The following MYOF variants were observed in gnomAD, a reference collection of about 807,000 sequenced individuals.
MYOF encodes fer-1-like 3, myoferlin.
A neutral mutation model predicts 284.2 loss-of-function variants in MYOF; 244 were observed. The ratio of observed to expected loss-of-function variants is 0.86; its 90% CI spans 0.77 to 0.95. The LOEUF (loss-of-function observed/expected upper bound fraction) is 0.95. MYOF is among the 40% of genes least tolerant of loss of function. MYOF has a pLI of 0.00. For synonymous variants in MYOF, 904 were observed against 919.7 expected (o/e 0.98, Z 0.31); for missense variants, 2,496 against 2,560.6 (o/e 0.97, Z 0.54).
Position 93,482,112 on chromosome 10 carries a change from A to G in MYOF, c.83T>C (p.Phe28Ser). Residue 28 changes from phenylalanine to serine, a missense_variant, in exon 1 of 54, where the codon TTT becomes TCT. Physicochemically the swap from Phe to Ser is radical, Grantham distance 155. This residue lies in a region of MYOF where 57 missense variants were observed against 62.4 expected (regional missense o/e 0.91). Coordinates refer to ENST00000359263, the MANE Select transcript of MYOF (RefSeq NM_013451.4). The stretch of plus-strand genomic sequence containing the variant: ...AGAAGAAAACTTTTTCTTACCCTTA[A>G]AAATGACAGAAACAATAGGATCCGG... ...GKPDPIVSVI[F>S]KDEKKKTKKV... The G allele has an allele frequency of 1.2e-6, 2 of 1,613,626 alleles. No individual in the cohort carries two copies. The highest frequency in any genetic ancestry group is 1.7e-6 in the Non-Finnish European group (2 of 1,179,648).
At chr10:93,393,674 G>A (rs1472396411) in intron 16 of MYOF, among the ~76,000 whole-genome samples, 2 of 152,148 alleles carry the variant, frequency 1.3e-5, no homozygotes, top group African/African-American at 4.8e-5. Flanking sequence ...TATAGTTCCA[G>A]CATGATTTTT....
intron 19 of MYOF, among the ~76,000 whole-genome samples, chr10:93,387,229 G>A (rs1162560870): frequency 6.6e-6 from 1 of 152,236 alleles, no homozygotes; most frequent in African/African-American, 2.4e-5. Flanking sequence ...GCAGCTGGGG[G>A]GCTGGCGGTG....
chr10:93,335,872 T>C, intron 41 of MYOF, 49 bp downstream of exon 41: 2 of 1,599,890 alleles, frequency 1.3e-6, no homozygotes, highest in Non-Finnish European at 1.7e-6. Context: ...TAGGCCTATA[T>C]AGAAAATGAA....
chr10:93,379,974 A>G lies in MYOF; in HGVS notation c.1890T>C (p.Tyr630=), dbSNP rs1417286825. The G allele has an allele frequency of 1.2e-6, 2 of 1,613,870 alleles. No homozygotes were observed. The highest frequency in any genetic ancestry group is 1.1e-5 in the South Asian group (1 of 91,026). Residue 630 remains tyrosine, a synonymous_variant, in exon 21 of 54, where the codon TAT becomes TAC. Coordinates refer to ENST00000359263, the MANE Select transcript of MYOF (RefSeq NM_013451.4). ...GCTTGGTGTGGGCCCAAGGCAAGTA[A>G]TAATAGTAGTTGCCTGGTATAAAAC... ...SRAVFDGNYY[Y]YLPWAHTKPV...
At position 93,359,908 on chromosome 10, in the gene MYOF, G is replaced by A. The variant is rs763011572; in HGVS notation, c.3045C>T (p.Tyr1015=). 3.1e-6 allele frequency: 5 copies of A among 1,614,120 alleles called. No homozygotes were observed. The East Asian group carries it at 8.9e-5, about 29-fold the overall frequency. Residue 1015 remains tyrosine (Y), a synonymous_variant, in exon 29 of 54, where the codon TAC becomes TAT. Coordinates refer to ENST00000359263, the MANE Select transcript of MYOF (RefSeq NM_013451.4). The stretch of plus-strand genomic sequence containing the variant: ...CCAGCCTTCGCCGTCTATGAGTGTG[G>A]TACATTTTCTCTGCTGCAACCCAGG... The part of the protein sequence containing the change: ...PKSWVAAEKM[Y]HTHRRRRLVR...
intron 5 of MYOF, among the ~76,000 whole-genome samples, chr10:93,421,932 T>C (rs1848372813): frequency 6.6e-6 from 1 of 151,768 alleles, no homozygotes; most frequent in Non-Finnish European, 1.5e-5. Context: ...CTATTAGAGG[T>C]TTGTTTTTTT....
At chr10:93,470,864 T>C (rs1312174279) in intron 1 of MYOF, among the ~76,000 whole-genome samples, 2 of 152,116 alleles carry the variant, frequency 1.3e-5, no homozygotes, top group Admixed American at 6.5e-5. Context: ...GCTTGTTGAA[T>C]GGATTCATGC....
intron 1 of MYOF, among the ~76,000 whole-genome samples, chr10:93,460,995 T>C (rs955957880): frequency 4.0e-5 from 6 of 151,888 alleles, no homozygotes; most frequent in Non-Finnish European, 7.4e-5. Flanking sequence ...CTCGGGTGGC[T>C]GAGGCAGGAG....
chr10:93,481,637 G>A (rs1832888), intron 1 of MYOF, among the ~76,000 whole-genome samples: 118,052 of 152,070 alleles, frequency 0.78, 46,284 homozygotes, highest in South Asian at 0.85. Flanking sequence ...ATAAAACTAT[G>A]AACTTCACCC....
intron 42 of MYOF, among the ~76,000 whole-genome samples, 173 bp from the exon 43 acceptor site, chr10:93,333,485 C>T (rs1198128265): frequency 6.7e-6 from 1 of 149,942 alleles, no homozygotes; most frequent in African/African-American, 2.5e-5. Flanking sequence ...TGGCATGCAG[C>T]CAGTTGTGTG....
chr10:93,359,539 G>A (rs1355842832), intron 29 of MYOF, among the ~76,000 whole-genome samples: 1 of 152,128 alleles, frequency 6.6e-6, no homozygotes, highest in East Asian at 1.9e-4. Flanking sequence ...CACCTCTGTA[G>A]CAGTTCTCAA....
chr10:93,365,548 T>C (rs1393864432), intron 26 of MYOF, among the ~76,000 whole-genome samples: 1 of 152,252 alleles, frequency 6.6e-6, no homozygotes, highest in Admixed American at 6.5e-5. Context: ...GTGCCCACGC[T>C]AGACTTGGAT....
chr10:93,366,109 G>C (rs575901481), intron 26 of MYOF, among the ~76,000 whole-genome samples: 8 of 152,312 alleles, frequency 5.3e-5, no homozygotes, highest in African/African-American at 1.7e-4. Flanking sequence ...CTCCCTTGTA[G>C]GGCTGTAGTA....
In MYOF at chr10:93,398,159, G is replaced by A. The variant is rs570915914; in HGVS notation, c.1222-703C>T. On this transcript the variant is annotated intron_variant, in intron 13 of 53. Coordinates refer to ENST00000359263, the MANE Select transcript of MYOF (RefSeq NM_013451.4). ...TCTCACTGACCTCCTAGTTTTCCCC[G>A]CTTGCTGGCTCTACCGCAGCCACAT... is the stretch of plus-strand genomic sequence containing the variant. 2.7e-4 allele frequency among the ~76,000 whole-genome samples: 41 copies of A among 152,076 alleles called. No individual in the cohort carries two copies. The South Asian group carries it at 4.2e-3, about 16-fold the overall frequency.
intron 29 of MYOF, 146 bp downstream of exon 29, chr10:93,359,687 G>A (rs920423272): frequency 3.1e-5 from 30 of 956,234 alleles, no homozygotes; most frequent in South Asian, 6.7e-5. Flanking sequence ...ATTGCTGGCT[G>A]GGGTGGGCTC....
Position 93,458,039 on chromosome 10 carries a change from C to T in MYOF, c.89-1102G>A, listed in dbSNP as rs111736854. Among the ~76,000 whole-genome samples the T allele has an allele frequency of 2.3e-3, 346 of 152,080 alleles. 2 individuals carry two copies. Among genetic ancestry groups the T allele is most frequent in the African/African-American group, 8.0e-3 (332 of 41,520 alleles). ...GATTACAGGTATGAGCCACTGCGCCCGGCATTCATCTAATCTTAAAAACCT... is the reference window on the plus strand; with the variant it reads ...GATTACAGGTATGAGCCACTGCGCCTGGCATTCATCTAATCTTAAAAACCT... On this transcript the variant is annotated intron_variant, in intron 1 of 53. Transcript: ENST00000359263.
intron 4 of MYOF, among the ~76,000 whole-genome samples, chr10:93,428,566 AACACACAC>A (rs58503520): frequency 0.3 from 43,392 of 143,682 alleles, 7,558 homozygotes; most frequent in Non-Finnish European, 0.4. Flanking sequence ...ACATCTGGTA[AACACACAC>A]ACACACACAC....
rs761252874 is a variant in MYOF, at chr10:93,374,838, C to T, written c.2226G>A (p.Ser742=). 9.3e-6 allele frequency: 15 copies of T among 1,614,024 alleles called. No homozygotes were observed. The highest frequency in any genetic ancestry group is 5.5e-5 in the South Asian group (5 of 91,088). ...GTGTGGACTTCACATCTGTGGCTTC[C>T]GACCTCATCCTCACAGCCGCCTCAT... ...QIHEAAVRMR[S]EATDVKSTLA... The change falls in exon 23 of 54, where the codon TCG becomes TCA. Residue 742 remains serine, a synonymous_variant. Coordinates refer to ENST00000359263, the MANE Select transcript of MYOF (RefSeq NM_013451.4).
intron 1 of MYOF, among the ~76,000 whole-genome samples, chr10:93,464,094 C>G (rs1172912201): frequency 6.6e-6 from 1 of 152,140 alleles, no homozygotes; most frequent in East Asian, 1.9e-4. Context: ...CAAAATTACC[C>G]TCTATAATTT....
Sources: gnomAD v4.1 joint callset for allele counts (sites outside exome capture counted in the v4.1 genomes callset) on GRCh38, gnomAD v4.1.1 for gene constraint, gnomAD v4.1.1 regional missense constraint, MANE v1.5 for transcripts, NCBI Gene and HGNC (gene_info 2026-07-23, HGNC 2026-07-21) for gene names.